The following CHRM3 variants were observed in gnomAD, a reference collection of about 807,000 sequenced individuals.
The protein encoded by CHRM3 is muscarinic acetylcholine receptor M3.
In CHRM3, 11 loss-of-function variants were observed where a neutral mutation model predicts 41.8. The observed-to-expected ratio is 0.26, with a 90% CI of 0.17 to 0.44. CHRM3 has a LOEUF of 0.44. Ranked by LOEUF, CHRM3 falls within the 20% of genes least tolerant of loss-of-function variation. CHRM3 has a pLI of 1.00. For synonymous variants in CHRM3, 297 were observed against 301.4 expected, an observed-to-expected ratio of 0.99 and a Z score of 0.15; for missense variants, 571 against 745.4, an observed-to-expected ratio of 0.77 and a Z score of 2.72.
At chr1:239,842,731 C>G (rs1572462085) in intron 6 of CHRM3, among the ~76,000 whole-genome samples, 1 of 152,172 alleles carries the variant, frequency 6.6e-6, no homozygotes, top group Non-Finnish European at 1.5e-5. Flanking sequence ...AACATACACA[C>G]ACATGCATGC....
rs190740471 is a variant in CHRM3, at chr1:239,885,807, G to A, written c.-19-21626G>A. Among the ~76,000 whole-genome samples the A allele has an allele frequency of 5.1e-4, 78 of 152,196 alleles. No individual in the cohort carries two copies. The East Asian group carries it at 5.6e-3, about 11-fold the overall frequency. On this transcript the variant is annotated intron_variant, in intron 6 of 6. Transcript: ENST00000676153. ...TCTCCACTAGGTCATTCTAATAAGC[G>A]GAAGGTGACACTAAACTGAATAGGT...
intron 5 of CHRM3, among the ~76,000 whole-genome samples, chr1:239,822,576 G>A (rs12072181): frequency 0.25 from 37,955 of 151,964 alleles, 4,844 homozygotes; most frequent in East Asian, 0.33. Context: ...TACAGACACC[G>A]ATTTAAAAAT....
At chr1:239,669,757 G>A (rs1458968029) in intron 4 of CHRM3, among the ~76,000 whole-genome samples, 1 of 152,122 alleles carries the variant, frequency 6.6e-6, no homozygotes, top group African/African-American at 2.4e-5. Context: ...CATTTAAAAT[G>A]CAATCCACTG....
chr1:239,461,205 A>T (rs1312163157), intron 1 of CHRM3, among the ~76,000 whole-genome samples: 6 of 152,142 alleles, frequency 3.9e-5, no homozygotes, highest in Non-Finnish European at 8.8e-5. Flanking sequence ...ATAAGGAGAG[A>T]TTTATATGGG....
chr1:239,767,016 C>CAT (rs1667283787), intron 5 of CHRM3, among the ~76,000 whole-genome samples: 1 of 152,182 alleles, frequency 6.6e-6, no homozygotes, highest in African/African-American at 2.4e-5. Flanking sequence ...TTGGCCTCAC[C>CAT]ATATATATAT....
rs545456447 is a variant in CHRM3 at position 239,708,261 on chromosome 1, G to A, written c.-147+29973G>A. Among the ~76,000 whole-genome samples, 3 of 152,252 alleles carry A rather than the reference G, an allele frequency of 2.0e-5. No individual in the cohort carries two copies. In the South Asian group the frequency reaches 6.2e-4, roughly 32 times the overall value. On this transcript the variant is annotated intron_variant, in intron 5 of 6. Transcript: ENST00000676153. Reference sequence around the variant, plus strand: ...GGCTCTTCTTTCATGCTCCCAGTTGGATTCATTCATCAGTGCTCATCAGCT... The same window carrying A: ...GGCTCTTCTTTCATGCTCCCAGTTGAATTCATTCATCAGTGCTCATCAGCT...
chr1:239,446,121 G>C (rs1664122421), intron 1 of CHRM3, among the ~76,000 whole-genome samples: 1 of 152,102 alleles, frequency 6.6e-6, no homozygotes, highest in African/African-American at 2.4e-5. Flanking sequence ...ATTTTTAGTA[G>C]AGATGGGGTT....
At chr1:239,645,732 A>T (rs74150623) in intron 4 of CHRM3, among the ~76,000 whole-genome samples, 9,902 of 152,216 alleles carry the variant, frequency 0.065, 985 homozygotes, top group African/African-American at 0.22. Context: ...AAATAAACTA[A>T]ATCTAATGGA....
chr1:239,471,771 A>G (rs1359612002), intron 1 of CHRM3, among the ~76,000 whole-genome samples: 1 of 152,146 alleles, frequency 6.6e-6, no homozygotes, highest in Non-Finnish European at 1.5e-5. Context: ...ACGGCTGTGC[A>G]GTGAGGTCTG....
chr1:239,855,230 T>C (rs185738423), intron 6 of CHRM3, among the ~76,000 whole-genome samples: 29 of 152,256 alleles, frequency 1.9e-4, no homozygotes, highest in Middle Eastern at 6.8e-3. Flanking sequence ...GTCAGGATAA[T>C]CACAAAGTCA....
intron 3 of CHRM3, among the ~76,000 whole-genome samples, chr1:239,602,110 G>GTATATATATATATATA (rs1186014237): frequency 6.2e-5 from 7 of 112,860 alleles, no homozygotes; most frequent in African/African-American, 2.1e-4. Context: ...GTGTGTGTGT[G>GTATATATATATATATA]TATATATATA....
At chr1:239,724,562 G>A (rs1663262772) in intron 5 of CHRM3, among the ~76,000 whole-genome samples, 1 of 151,926 alleles carries the variant, frequency 6.6e-6, no homozygotes. Flanking sequence ...TGGGATTATA[G>A]AGGTGAAGTG....
At chr1:239,509,158 G>C (rs1301784008) in intron 2 of CHRM3, among the ~76,000 whole-genome samples, 1 of 152,138 alleles carries the variant, frequency 6.6e-6, no homozygotes, top group African/African-American at 2.4e-5. Flanking sequence ...TTACTTTCTT[G>C]ATTTAGCTAA....
At chr1:239,822,477 C>G (rs1388158661) in intron 5 of CHRM3, among the ~76,000 whole-genome samples, 1 of 152,176 alleles carries the variant, frequency 6.6e-6, no homozygotes, top group Non-Finnish European at 1.5e-5. Flanking sequence ...AATGATTTAT[C>G]TAGCATGAAA....
At chr1:239,586,757 A>G (rs1317892487) in intron 3 of CHRM3, among the ~76,000 whole-genome samples, 1 of 152,180 alleles carries the variant, frequency 6.6e-6, no homozygotes, top group Non-Finnish European at 1.5e-5. Context: ...TCAGTGAGTT[A>G]TAATTATTTC....
chr1:239,614,047 G>C (rs1182461954), intron 3 of CHRM3, among the ~76,000 whole-genome samples: 8 of 152,146 alleles, frequency 5.3e-5, no homozygotes, highest in African/African-American at 1.9e-4. Flanking sequence ...TTTACCTGCA[G>C]CCCCAGCTAC....
At chr1:239,477,730 A>G (rs1666563408) in intron 1 of CHRM3, among the ~76,000 whole-genome samples, 1 of 152,158 alleles carries the variant, frequency 6.6e-6, no homozygotes, top group South Asian at 2.1e-4. Context: ...TGAAAATCTG[A>G]GACATATCTG....
chr1:239,781,590 A>G (rs1224899656), intron 5 of CHRM3, among the ~76,000 whole-genome samples: 2 of 151,980 alleles, frequency 1.3e-5, no homozygotes, highest in Non-Finnish European at 2.9e-5. Flanking sequence ...CTTCCTTCCT[A>G]ATCTAAATTC....
At chr1:239,538,299 C>G (rs1658405861) in intron 2 of CHRM3, among the ~76,000 whole-genome samples, 1 of 152,070 alleles carries the variant, frequency 6.6e-6, no homozygotes, top group Non-Finnish European at 1.5e-5. Flanking sequence ...TTTCTTTTTC[C>G]CTCAGGAAGA....
Sources: allele counts gnomAD v4.1 joint callset (sites outside exome capture counted in the v4.1 genomes callset), GRCh38; gene constraint gnomAD v4.1.1; transcripts MANE v1.5; gene names NCBI Gene and HGNC (gene_info 2026-07-23, HGNC 2026-07-21).